Variants in PALS1 observed in about 807,000 individuals in gnomAD.
The protein encoded by PALS1 is protein associated with LIN7 1, MAGUK p55 family member.
PALS1 carries 31 observed loss-of-function variants against 78.9 expected under a neutral mutation model. The observed-to-expected ratio is 0.39, with a 90% CI of 0.30 to 0.53. The LOEUF is 0.53. PALS1 is among the 20% of genes least tolerant of loss of function. PALS1 has a pLI of 0.67. For missense variants in PALS1, 704 were observed against 826.5 expected (o/e 0.85, Z 1.82); for synonymous variants, 276 against 270.9 (o/e 1.02, Z -0.18).
intron 8 of PALS1, among the ~76,000 whole-genome samples, chr14:67,305,571 A>G (rs976532897): frequency 6.6e-6 from 1 of 152,190 alleles, no homozygotes; most frequent in Admixed American, 6.5e-5. Context: ...GTGAGCCACA[A>G]TGCCCAGCCA....
intron 14 of PALS1, among the ~76,000 whole-genome samples, chr14:67,332,175 T>G (rs1310036746): frequency 6.6e-6 from 1 of 152,202 alleles, no homozygotes; most frequent in East Asian, 1.9e-4. Flanking sequence ...ATGTGCCTGA[T>G]AATTAGAGGG....
At chr14:67,252,466 A>G (rs1370750861) in intron 1 of PALS1, among the ~76,000 whole-genome samples, 2 of 152,136 alleles carry the variant, frequency 1.3e-5, no homozygotes, top group African/African-American at 4.8e-5. Context: ...TTAGCAAACT[A>G]TTGAACCTGA....
At chr14:67,300,675 G>T (rs1286503903) in intron 4 of PALS1, among the ~76,000 whole-genome samples, 4 of 151,864 alleles carry the variant, frequency 2.6e-5, no homozygotes, top group African/African-American at 9.7e-5. Context: ...TAAATAGTAG[G>T]TGCCATTCTA....
intron 1 of PALS1, among the ~76,000 whole-genome samples, chr14:67,251,343 G>A (rs906333146): frequency 2.0e-5 from 3 of 152,102 alleles, no homozygotes; most frequent in African/African-American, 7.2e-5. Context: ...GACCAACCTG[G>A]GCAACACAGT....
chr14:67,288,964 CTTTTTT>C (rs36044460), intron 3 of PALS1, among the ~76,000 whole-genome samples: 5 of 107,076 alleles, frequency 4.7e-5, no homozygotes, highest in Non-Finnish European at 6.0e-5. Flanking sequence ...TCTTTATTTC[CTTTTTT>C]TTTTTTTTTT....
At chr14:67,260,231 C>T (rs988999139) in intron 1 of PALS1, among the ~76,000 whole-genome samples, 4 of 152,168 alleles carry the variant, frequency 2.6e-5, no homozygotes, top group African/African-American at 4.8e-5. Flanking sequence ...CATTCCTCTA[C>T]GGCCATACCA....
intron 14 of PALS1, among the ~76,000 whole-genome samples, chr14:67,329,537 G>A (rs2085410147): frequency 2.6e-5 from 4 of 152,224 alleles, no homozygotes; most frequent in South Asian, 2.1e-4. Flanking sequence ...GGTGAGAGAG[G>A]GCATCCCTGT....
intron 1 of PALS1, among the ~76,000 whole-genome samples, chr14:67,251,825 C>T (rs1251231436): frequency 6.6e-6 from 1 of 152,230 alleles, no homozygotes; most frequent in Non-Finnish European, 1.5e-5. Flanking sequence ...CCTATAATAG[C>T]TTCAGGTTAG....
At chr14:67,293,205 ATTG>A (rs1291325062) in intron 4 of PALS1, among the ~76,000 whole-genome samples, 1 of 152,082 alleles carries the variant, frequency 6.6e-6, no homozygotes, top group African/African-American at 2.4e-5. Flanking sequence ...GGGAGTTTTT[ATTG>A]TTAACATGAT....
intron 1 of PALS1, among the ~76,000 whole-genome samples, chr14:67,263,883 G>A (rs4636843): frequency 0.31 from 47,823 of 152,018 alleles, 11,596 homozygotes; most frequent in African/African-American, 0.65. Context: ...TAAAATAGGG[G>A]TAGTAATTCT....
intron 14 of PALS1, among the ~76,000 whole-genome samples, chr14:67,326,156 G>A (rs1047116297): frequency 7.7e-6 from 1 of 130,508 alleles, no homozygotes; most frequent in Non-Finnish European, 1.6e-5. Context: ...CTCTGGCCGT[G>A]TTCTAATGGA....
At chr14:67,280,476 A>C (rs2084586168) in intron 3 of PALS1, among the ~76,000 whole-genome samples, 1 of 152,210 alleles carries the variant, frequency 6.6e-6, no homozygotes, top group Non-Finnish European at 1.5e-5. Flanking sequence ...TGTTTTAGCA[A>C]ACATTGTTTC....
At chr14:67,254,900 C>A (rs1567502429) in intron 1 of PALS1, among the ~76,000 whole-genome samples, 1 of 152,190 alleles carries the variant, frequency 6.6e-6, no homozygotes, top group Non-Finnish European at 1.5e-5. Context: ...CCTGTAATCC[C>A]AGCACTTTGG....
chr14:67,267,525 A>G (rs891455350), intron 1 of PALS1, among the ~76,000 whole-genome samples: 1 of 151,698 alleles, frequency 6.6e-6, no homozygotes, highest in Non-Finnish European at 1.5e-5. Flanking sequence ...TGCTGGGATT[A>G]TAGGCATGAG....
intron 9 of PALS1, among the ~76,000 whole-genome samples, chr14:67,315,308 G>A (rs1413727161): frequency 9.1e-6 from 1 of 109,790 alleles, no homozygotes; most frequent in Non-Finnish European, 1.7e-5. Flanking sequence ...ACAAAATCTC[G>A]CTCTGTCTCC....
intron 9 of PALS1, among the ~76,000 whole-genome samples, chr14:67,314,049 T>G (rs964959362): frequency 6.6e-6 from 1 of 152,220 alleles, no homozygotes; most frequent in African/African-American, 2.4e-5. Flanking sequence ...TGTAATGTTT[T>G]TCTGGCCTTA....
intron 2 of PALS1, among the ~76,000 whole-genome samples, chr14:67,275,515 G>T (rs1184095815): frequency 1.3e-5 from 2 of 152,152 alleles, no homozygotes; most frequent in Non-Finnish European, 2.9e-5. Flanking sequence ...TGCTGGATTT[G>T]GTTTGCCAGT....
At chr14:67,249,985 G>A (rs1189932526) in intron 1 of PALS1, among the ~76,000 whole-genome samples, 2 of 152,118 alleles carry the variant, frequency 1.3e-5, no homozygotes, top group African/African-American at 2.4e-5. Flanking sequence ...TGTAAGTAAC[G>A]CTTCGGAAAG....
intron 4 of PALS1, among the ~76,000 whole-genome samples, chr14:67,295,918 G>C (rs770473992): frequency 1.3e-5 from 2 of 152,140 alleles, no homozygotes; most frequent in Non-Finnish European, 2.9e-5. Context: ...GATGTTCATA[G>C]CAACCAGATA....
Sources: gnomAD v4.1 joint callset for allele counts (sites outside exome capture counted in the v4.1 genomes callset) on GRCh38, gnomAD v4.1.1 for gene constraint, MANE v1.5 for transcripts, NCBI Gene and HGNC (gene_info 2026-07-23, HGNC 2026-07-21) for gene names.